PRELID2: variants seen among roughly 807,000 people sequenced by gnomAD.
The protein encoded by PRELID2 is PRELI domain-containing protein 2.
In PRELID2, 25 loss-of-function variants were observed where a neutral mutation model predicts 28.4. That is an observed-to-expected ratio of 0.88 (90% CI 0.64 to 1.23). PRELID2 has a LOEUF of 1.23. PRELID2 is among the 50% of genes most tolerant of loss of function. The pLI is 0.00. For missense variants in PRELID2, 201 were observed against 214.4 expected (o/e 0.94, Z 0.39); for synonymous variants, 76 against 71.6 (o/e 1.06, Z -0.31).
At chr5:145,641,018 C>A (rs1187065306) in intron 1 of PRELID2, among the ~76,000 whole-genome samples, 1 of 151,838 alleles carries the variant, frequency 6.6e-6, no homozygotes, top group Non-Finnish European at 1.5e-5. Context: ...TGGGTTAATA[C>A]CCCAAATTTA....
chr5:145,503,205 A>G (rs1303450480), intron 1 of PRELID2, among the ~76,000 whole-genome samples: 1 of 152,104 alleles, frequency 6.6e-6, no homozygotes, highest in African/African-American at 2.4e-5. Context: ...AGGAGTGATC[A>G]TAACTATTTC....
At chr5:145,503,859 A>G (rs1267004335) in intron 1 of PRELID2, among the ~76,000 whole-genome samples, 1 of 152,182 alleles carries the variant, frequency 6.6e-6, no homozygotes, top group East Asian at 1.9e-4. Flanking sequence ...TTTACCCTTT[A>G]TCTTGAATTC....
chr5:145,637,375 G>T (rs1365808217), intron 1 of PRELID2, among the ~76,000 whole-genome samples: 1 of 152,168 alleles, frequency 6.6e-6, no homozygotes, highest in African/African-American at 2.4e-5. Context: ...TTGGAATCAG[G>T]AAATGAACAC....
At position 145,615,335 on chromosome 5, in the gene PRELID2, T is replaced by G. The variant is rs540849332; in HGVS notation, n.71-142020A>C. ...GTGAGTCTCTTTTTTTTGTTTTTTTTTTTTTTTTTTGAGACGGAGTCTCGC... is the reference window on the plus strand; with the variant it reads ...GTGAGTCTCTTTTTTTTGTTTTTTTGTTTTTTTTTTGAGACGGAGTCTCGC... On this transcript the variant is annotated intron_variant and non_coding_transcript_variant, in intron 1 of 2. Transcript: ENST00000510259. Among the ~76,000 whole-genome samples the G allele has an allele frequency of 4.1e-4, 46 of 112,106 alleles. 5 individuals are homozygous for G. The East Asian group carries it at 5.7e-3, about 14-fold the overall frequency. 73.5% of individuals were successfully genotyped at this position (112,106 alleles called of 152,430 possible).
the PRELID2 span, among the ~76,000 whole-genome samples, chr5:145,447,955 A>T: frequency 2.6e-5 from 4 of 152,126 alleles, no homozygotes; most frequent in African/African-American, 9.7e-5. Context: ...TCTTTATAGC[A>T]GCAAGATTTA....
At chr5:145,236,723 G>T in the PRELID2 span, among the ~76,000 whole-genome samples, 1 of 152,080 alleles carries the variant, frequency 6.6e-6, no homozygotes, top group East Asian at 1.9e-4. Flanking sequence ...GATTTACTGG[G>T]CACTGACCAA....
intron 1 of PRELID2, among the ~76,000 whole-genome samples, chr5:145,509,519 G>A (rs965886691): frequency 6.6e-6 from 1 of 152,138 alleles, no homozygotes; most frequent in Non-Finnish European, 1.5e-5. Context: ...GGCTGCCTGG[G>A]CCAAGACTCA....
At chr5:145,374,548 T>A in the PRELID2 span, among the ~76,000 whole-genome samples, 3 of 152,126 alleles carry the variant, frequency 2.0e-5, no homozygotes, top group East Asian at 5.8e-4. Context: ...TTGGGGAAGT[T>A]TCCCTGGTTA....
At chr5:145,471,642 T>A (rs1752055067), downstream of PRELID2, among the ~76,000 whole-genome samples, 1 of 152,128 alleles carries the variant, frequency 6.6e-6, no homozygotes, top group East Asian at 1.9e-4. Context: ...CAAACCAGTA[T>A]GCCTCTTGCC....
At chr5:145,820,128 T>G (rs144763639) in intron 2 of PRELID2, 110 bp from the exon 3 acceptor site, 1 of 455,324 alleles carries the variant, frequency 2.2e-6, no homozygotes, top group Non-Finnish European at 3.6e-6. Flanking sequence ...TTTTTGTTTT[T>G]TTTTTTTGAG....
At chr5:145,691,026 C>A (rs1382054366) in intron 1 of PRELID2, among the ~76,000 whole-genome samples, 1 of 151,182 alleles carries the variant, frequency 6.6e-6, no homozygotes, top group African/African-American at 2.4e-5. Context: ...GAAATAGGTA[C>A]ATTTATGCAC....
At chr5:145,722,523 G>A (rs1389032255) in intron 1 of PRELID2, among the ~76,000 whole-genome samples, 1 of 151,284 alleles carries the variant, frequency 6.6e-6, no homozygotes, top group Non-Finnish European at 1.5e-5. Flanking sequence ...TTGAGACAGA[G>A]TCTCACTCTG....
intron 1 of PRELID2, among the ~76,000 whole-genome samples, chr5:145,581,901 T>A (rs1753110760): frequency 6.6e-6 from 1 of 152,096 alleles, no homozygotes; most frequent in Non-Finnish European, 1.5e-5. Context: ...AGTGTCCTAG[T>A]GTTACCAGTT....
chr5:145,591,547 T>C (rs972142496), intron 1 of PRELID2, among the ~76,000 whole-genome samples: 4 of 152,204 alleles, frequency 2.6e-5, no homozygotes, highest in Admixed American at 6.5e-5. Flanking sequence ...GAAGTTTGTA[T>C]GTTCATGGCA....
downstream of PRELID2, among the ~76,000 whole-genome samples, chr5:145,467,509 T>C (rs1043207543): frequency 6.6e-6 from 1 of 152,144 alleles, no homozygotes; most frequent in African/African-American, 2.4e-5. Context: ...AAAATGTAGG[T>C]CCATTTTACA....
chr5:145,394,310 T>A, the PRELID2 span, among the ~76,000 whole-genome samples: 2 of 151,856 alleles, frequency 1.3e-5, no homozygotes, highest in Admixed American at 6.6e-5. Context: ...GAAACCATCA[T>A]TCTCAGCAAA....
intron 1 of PRELID2, among the ~76,000 whole-genome samples, chr5:145,602,708 T>G (rs1753414219): frequency 6.6e-6 from 1 of 152,056 alleles, no homozygotes; most frequent in Non-Finnish European, 1.5e-5. Flanking sequence ...AATCTGTAAT[T>G]GAGAACTCAA....
intron 1 of PRELID2, among the ~76,000 whole-genome samples, chr5:145,536,473 C>A (rs1027785726): frequency 6.6e-6 from 1 of 151,924 alleles, no homozygotes; most frequent in Non-Finnish European, 1.5e-5. Flanking sequence ...GCCAAGAACT[C>A]TCAACCTTGC....
chr5:145,403,220 G>A, the PRELID2 span, among the ~76,000 whole-genome samples: 1 of 152,100 alleles, frequency 6.6e-6, no homozygotes, highest in Non-Finnish European at 1.5e-5. Context: ...ATAAGGAAAA[G>A]CCCATAGCTT....
Sources: gnomAD v4.1 joint callset for allele counts (sites outside exome capture counted in the v4.1 genomes callset) on GRCh38, gnomAD v4.1.1 for gene constraint, MANE v1.5 for transcripts, NCBI Gene and HGNC (gene_info 2026-07-23, HGNC 2026-07-21) for gene names.